The following PDIA5 variants were observed in gnomAD, a reference collection of about 807,000 sequenced individuals.
PDIA5 encodes protein disulfide-isomerase A5.
In PDIA5, 58 loss-of-function variants were observed where a neutral mutation model predicts 77.6. The ratio of observed to expected loss-of-function variants is 0.75; its 90% CI spans 0.61 to 0.93. The LOEUF (loss-of-function observed/expected upper bound fraction) is 0.93, where lower values mean the gene tolerates loss of function less well. Among genes scored for constraint, PDIA5 ranks in the 40% least tolerant of loss-of-function variants. PDIA5 has a pLI of 0.00. For missense variants in PDIA5, 630 were observed against 647.7 expected (o/e 0.97, Z 0.30); for synonymous variants, 250 against 252.1 (o/e 0.99, Z 0.08).
At chr3:123,085,576 G>A (rs1025085119) in intron 1 of PDIA5, among the ~76,000 whole-genome samples, 2 of 152,160 alleles carry the variant, frequency 1.3e-5, no homozygotes, top group Non-Finnish European at 2.9e-5. Context: ...CTGAGGGTGT[G>A]CTGTGAGCCT....
intron 14 of PDIA5, among the ~76,000 whole-genome samples, chr3:123,151,591 C>T (rs1472596907): frequency 6.6e-6 from 1 of 152,362 alleles, no homozygotes; most frequent in African/African-American, 2.4e-5. Context: ...TCAGCTCCTC[C>T]CTGACTGAGG....
chr3:123,119,797 C>T (rs1935065030), intron 8 of PDIA5, among the ~76,000 whole-genome samples: 1 of 152,264 alleles, frequency 6.6e-6, no homozygotes, highest in Non-Finnish European at 1.5e-5. Context: ...CCTTCTGTCA[C>T]TTCTTCATCT....
rs141660210 is a variant in PDIA5, at chr3:123,074,926, A to T, written c.42+7720A>T. Among the ~76,000 whole-genome samples, 21 of 152,290 alleles carry T rather than the reference A, an allele frequency of 1.4e-4. No homozygotes were observed. The East Asian group carries it at 3.5e-3, about 25-fold the overall frequency. ...ATACTGGAGTATTGTATAAGAAACC[A>T]CCTAAGGACCAGCTGTGTTCTAGGG... On this transcript the variant is annotated intron_variant, in intron 1 of 16. Transcript: ENST00000316218.
At chr3:123,127,292 T>A (rs929075450) in intron 10 of PDIA5, among the ~76,000 whole-genome samples, 1 of 152,140 alleles carries the variant, frequency 6.6e-6, no homozygotes, top group East Asian at 1.9e-4. Context: ...AACATACAAG[T>A]CATCAAATCT....
At chr3:123,152,786 C>A (rs1046581290) in intron 14 of PDIA5, among the ~76,000 whole-genome samples, 21 of 152,182 alleles carry the variant, frequency 1.4e-4, no homozygotes, top group Non-Finnish European at 2.8e-4. Flanking sequence ...CTGCACAGCT[C>A]TTCCTCCTGC....
chr3:123,069,538 A>C (rs1023903426), intron 1 of PDIA5, among the ~76,000 whole-genome samples: 2 of 152,160 alleles, frequency 1.3e-5, no homozygotes, highest in Non-Finnish European at 2.9e-5. Flanking sequence ...CTGCAGACCA[A>C]AAGTCCGAAA....
intron 6 of PDIA5, among the ~76,000 whole-genome samples, chr3:123,108,126 C>G (rs1158276576): frequency 6.6e-6 from 1 of 151,978 alleles, no homozygotes; most frequent in Non-Finnish European, 1.5e-5. Flanking sequence ...GCTTGTTGGC[C>G]CAGAAGAAAA....
intron 8 of PDIA5, among the ~76,000 whole-genome samples, chr3:123,119,292 A>G (rs1935055640): frequency 1.3e-5 from 2 of 152,120 alleles, no homozygotes; most frequent in Non-Finnish European, 2.9e-5. Context: ...GCCTGGGCCC[A>G]GGTCTAGAAA....
intron 8 of PDIA5, among the ~76,000 whole-genome samples, chr3:123,120,631 T>TC (rs139292494): frequency 0.016 from 2,373 of 152,348 alleles, 60 homozygotes; most frequent in African/African-American, 0.052. Context: ...GGAGCCCAAG[T>TC]CCTTCCCCTA....
At chr3:123,150,510 T>A (rs1443838307) in intron 14 of PDIA5, 146 bp downstream of exon 14, 2 of 718,548 alleles carry the variant, frequency 2.8e-6, no homozygotes, top group Non-Finnish European at 4.4e-6. Context: ...GCTCTCCAAT[T>A]TTATTCCAGG....
chr3:123,115,184 T>G (rs1401185737), intron 7 of PDIA5, among the ~76,000 whole-genome samples: 1 of 152,176 alleles, frequency 6.6e-6, no homozygotes, highest in Non-Finnish European at 1.5e-5. Flanking sequence ...TTCAGATGCA[T>G]CTTAAGCCCT....
chr3:123,072,345 A>G (rs1933743499), intron 1 of PDIA5, among the ~76,000 whole-genome samples: 1 of 152,194 alleles, frequency 6.6e-6, no homozygotes, highest in Admixed American at 6.5e-5. Context: ...GAAAAAATAC[A>G]GGAAGCACCC....
At chr3:123,085,680 T>A (rs1282499566) in intron 1 of PDIA5, among the ~76,000 whole-genome samples, 4 of 152,160 alleles carry the variant, frequency 2.6e-5, no homozygotes, top group African/African-American at 9.7e-5. Context: ...GGGCTCACCC[T>A]CCCTCCTGCC....
chr3:123,147,139 G>A (rs1935792799), intron 13 of PDIA5, among the ~76,000 whole-genome samples: 1 of 152,118 alleles, frequency 6.6e-6, no homozygotes, highest in Non-Finnish European at 1.5e-5. Flanking sequence ...GAGGCTAGAA[G>A]TCAGAGATCA....
chr3:123,123,718 G>A (rs1488146006), intron 8 of PDIA5, among the ~76,000 whole-genome samples: 1 of 152,218 alleles, frequency 6.6e-6, no homozygotes. Flanking sequence ...CACATCCTTG[G>A]CAGTGGCCCC....
chr3:123,161,798 C>CT (rs1483869752), intron 16 of PDIA5, 82 bp from the exon 17 acceptor site: 1 of 925,048 alleles, frequency 1.1e-6, no homozygotes, highest in South Asian at 1.4e-5. Flanking sequence ...CCTGGAGGGG[C>CT]TGGGGGTGTG....
chr3:123,112,465 T>A (rs1934886074), intron 7 of PDIA5, among the ~76,000 whole-genome samples: 1 of 151,780 alleles, frequency 6.6e-6, no homozygotes, highest in South Asian at 2.1e-4. Flanking sequence ...TCTGTGGCAT[T>A]CTGGTGGTTC....
At chr3:123,097,662 A>C (rs1347872039) in intron 3 of PDIA5, among the ~76,000 whole-genome samples, 3 of 152,126 alleles carry the variant, frequency 2.0e-5, no homozygotes, top group Non-Finnish European at 4.4e-5. Context: ...GCAGTCACTC[A>C]GTATTTCTTG....
At chr3:123,072,373 G>A (rs773807683) in intron 1 of PDIA5, among the ~76,000 whole-genome samples, 36 of 152,212 alleles carry the variant, frequency 2.4e-4, no homozygotes, top group African/African-American at 4.1e-4. Context: ...CGCTTGGCAC[G>A]TGAAAGTGCC....
Sources: gnomAD v4.1 joint callset for allele counts (sites outside exome capture counted in the v4.1 genomes callset) on GRCh38, gnomAD v4.1.1 for gene constraint, MANE v1.5 for transcripts, NCBI Gene and HGNC (gene_info 2026-07-23, HGNC 2026-07-21) for gene names.